The following CCDC177 variants were observed in gnomAD, a reference collection of about 807,000 sequenced individuals.
The protein encoded by CCDC177 is coiled-coil domain containing 177, also known as coiled-coil domain-containing protein 177.
CCDC177 carries 2 observed loss-of-function variants against 7.3 expected under a neutral mutation model. The ratio of observed to expected loss-of-function variants is 0.28; its 90% confidence interval spans 0.11 to 0.87. The LOEUF (loss-of-function observed/expected upper bound fraction) is 0.87, where lower values mean the gene tolerates loss of function less well. Ranked by LOEUF, CCDC177 falls within the 40% of genes least tolerant of loss-of-function variation. The pLI is 0.61. For missense variants in CCDC177, 874 were observed against 970.5 expected (o/e 0.90, Z 1.32); for synonymous variants, 401 against 449.2 (o/e 0.89, Z 1.36).
In CCDC177 at chr14:69,573,315, C is replaced by CA; in HGVS notation, c.307dup (p.Cys103LeufsTer33). On this transcript the variant is annotated frameshift_variant, in exon 2 of 2. Transcript: ENST00000599174. LOFTEE classifies it low-confidence loss of function (END_TRUNC). Reference sequence around the variant, plus strand: ...CAGCAGCTCCACCGGCTTGACCGCACAGCGGGCGCAGGCCTCTAGCGAGCG... The same window carrying CA: ...CAGCAGCTCCACCGGCTTGACCGCACAAGCGGGCGCAGGCCTCTAGCGAGCG... The CA allele has an allele frequency of 8.1e-7, 1 of 1,231,382 alleles. No individual in the cohort carries two copies. Among genetic ancestry groups the CA allele is most frequent in the Non-Finnish European group, 1.0e-6 (1 of 987,712 alleles). The allele number at this position is 1,231,382 out of a possible 1,614,324, so 76.3% of individuals were successfully genotyped here. A position where few individuals can be genotyped will look rare whatever the true frequency, so the allele number is the denominator to read the frequency against.
Position 69,573,115 on chromosome 14 carries a change from C to A in CCDC177, c.508G>T (p.Ala170Ser). 8.2e-7 allele frequency: 1 copy of A among 1,226,040 alleles called. No individual in the cohort carries two copies. Among genetic ancestry groups the A allele is most frequent in the Non-Finnish European group, 1.0e-6 (1 of 984,818 alleles). 75.9% of individuals were successfully genotyped at this position (1,226,040 alleles called of 1,614,324 possible). ...GCGGCGGCGGCGGCGGCGGCGGCCG[C>A]GGGGCTCAAAGGCGTGAAAAGACGC... The part of the protein sequence containing the change: ...KRRLFTPLSP[A>S]AAAAAAAAAA... The change falls in exon 2 of 2, where the codon GCG becomes TCG. Residue 170 changes from alanine to serine, a missense_variant. By Grantham distance (99) the Ala-to-Ser change is moderately conservative. Coordinates refer to ENST00000599174, the MANE Select transcript of CCDC177 (RefSeq NM_001271507.2).
Position 69,572,659 on chromosome 14 carries a change from C to A in CCDC177, c.964G>T (p.Val322Leu), listed in dbSNP as rs973802036. The A allele has an allele frequency of 3.2e-6, 4 of 1,231,348 alleles. No individual in the cohort carries two copies. Among genetic ancestry groups the A allele is most frequent in the Non-Finnish European group, 4.0e-6 (4 of 987,672 alleles). 76.3% of individuals were successfully genotyped at this position (1,231,348 alleles called of 1,614,324 possible). A position where few individuals can be genotyped will look rare whatever the true frequency, so the allele number is the denominator to read the frequency against. The change falls in exon 2 of 2, where the codon GTG (valine) becomes TTG (leucine). Residue 322 changes from valine to leucine, a missense_variant. Physicochemically the swap from Val to Leu is conservative, Grantham distance 32. Coordinates refer to ENST00000599174, the MANE Select transcript of CCDC177 (RefSeq NM_001271507.2). ...CCGCGCTCTGCACGCACTTGACGCACGATGCGCTCCACGTGCTGAGCGGTC... is the reference window on the plus strand; with the variant it reads ...CCGCGCTCTGCACGCACTTGACGCAAGATGCGCTCCACGTGCTGAGCGGTC... ...PQTAQHVERI[V>L]RQVRAERGLR...
rs1229824863 is a variant in CCDC177, at chr14:69,572,035, G to A, written c.1588C>T (p.Leu530=). The A allele has an allele frequency of 2.4e-6, 3 of 1,231,074 alleles. No homozygotes were observed. The highest frequency in any genetic ancestry group is 3.0e-6 in the Non-Finnish European group (3 of 987,676). The allele number at this position is 1,231,074 out of a possible 1,614,324, so 76.3% of individuals were successfully genotyped here. The part of the protein sequence containing the change: ...TRQQRQEREG[L]RSSLEASLGR... ...AAACTGGCTTCCAGCGAGCTCCGCA[G>A]GCCCTCTCGCTCCTGGCGCTGCTGC... Residue 530 remains leucine, a synonymous_variant, in exon 2 of 2, where the codon CTG becomes TTG. Coordinates refer to ENST00000599174, the MANE Select transcript of CCDC177 (RefSeq NM_001271507.2).
At position 69,571,234 on chromosome 14, in the gene CCDC177, C is replaced by A. The variant is rs974879299; in HGVS notation, c.*265G>T. 2 of 580,804 alleles carry A rather than the reference C, an allele frequency of 3.4e-6. No individual in the cohort carries two copies. The highest frequency in any genetic ancestry group is 6.1e-6 in the Non-Finnish European group (2 of 326,042). 36.0% of individuals were successfully genotyped at this position (580,804 alleles called of 1,614,324 possible). ...CTTCTCTATTCCAGCCCAAGAGACA[C>A]ATAGGGAAGTTTGGCAAGGGTCGGT... On this transcript the variant is annotated 3_prime_UTR_variant, in exon 2 of 2. Transcript: ENST00000599174.
rs1230643284 is a variant in CCDC177 at position 69,574,035 on chromosome 14, G to A, written c.-28-385C>T. On this transcript the variant is annotated intron_variant, in intron 1 of 1. Transcript: ENST00000599174. ...GATTCCCGGGAGGATTAGCGTATTTGTTTGTAGCTTAGGCGGGCTACTGGG... is the reference window on the plus strand; with the variant it reads ...GATTCCCGGGAGGATTAGCGTATTTATTTGTAGCTTAGGCGGGCTACTGGG... Among the ~76,000 whole-genome samples, 3 of 152,248 alleles carry A rather than the reference G, an allele frequency of 2.0e-5. No homozygotes were observed. The East Asian group carries it at 5.8e-4, about 29-fold the overall frequency.
chr14:69,573,032 C>G lies in CCDC177; in HGVS notation c.591G>C (p.Pro197=), dbSNP rs915585535. 23 of 1,225,124 alleles carry G rather than the reference C, an allele frequency of 1.9e-5. No homozygotes were observed. The highest frequency in any genetic ancestry group is 2.3e-5 in the Non-Finnish European group (23 of 984,900). 75.9% of individuals were successfully genotyped at this position (1,225,124 alleles called of 1,614,324 possible). Residue 197 remains proline, a synonymous_variant, in exon 2 of 2, where the codon CCG becomes CCC. Coordinates refer to ENST00000599174, the MANE Select transcript of CCDC177 (RefSeq NM_001271507.2). ...SSSSCSSASL[P]ASPAPRAARK... ...GGGCCGCACGCGGCGCGGGCGAGGC[C>G]GGGAGGCTGGCGCTGCTGCAGCTGC... is the stretch of plus-strand genomic sequence containing the variant.
chr14:69,571,979 C>G lies in CCDC177; in HGVS notation c.1644G>C (p.Leu548Phe), dbSNP rs751161826. Residue 548 changes from leucine (L) to phenylalanine (F), a missense_variant, in exon 2 of 2, where the codon TTG (leucine) becomes TTC (phenylalanine). Leu to Phe is a conservative substitution (Grantham distance 22). Transcript: ENST00000599174. ...GCAGCTCCCGGGTGCGCTGCTCCAC[C>G]AAATGCTCGTAGTTCTCCTGCGCAC... Reference protein sequence around the residue: ...LGRAQENYEHLVEQRTRELRE... With the variant: ...LGRAQENYEHFVEQRTRELRE... 181 of 1,231,708 alleles carry G rather than the reference C, an allele frequency of 1.5e-4. No homozygotes were observed. The highest frequency in any genetic ancestry group is 1.8e-4 in the Non-Finnish European group (177 of 988,220). The allele number at this position is 1,231,708 out of a possible 1,614,324, so 76.3% of individuals were successfully genotyped here. A position where few individuals can be genotyped will look rare whatever the true frequency, so the allele number is the denominator to read the frequency against.
rs1403083706 is a variant in CCDC177 at position 69,572,757 on chromosome 14, C to A, written c.866G>T (p.Arg289Leu). 2 of 1,231,418 alleles carry A rather than the reference C, an allele frequency of 1.6e-6. No individual in the cohort carries two copies. The highest frequency in any genetic ancestry group is 1.6e-5 in the African/African-American group (1 of 64,412). 76.3% of individuals were successfully genotyped at this position (1,231,418 alleles called of 1,614,324 possible). Residue 289 changes from arginine to leucine, a missense_variant, in exon 2 of 2, where the codon CGC becomes CTC. Coordinates refer to ENST00000599174, the MANE Select transcript of CCDC177 (RefSeq NM_001271507.2). The part of the protein sequence containing the change: ...SASSTTNAPG[R>L]PSALTLVPIT... ...CGGAACCAGGGTCAGGGCAGACGGGCGGCCCGGAGCGTTGGTGGTGGAGGA... is the reference window on the plus strand; with the variant it reads ...CGGAACCAGGGTCAGGGCAGACGGGAGGCCCGGAGCGTTGGTGGTGGAGGA...
In CCDC177 at chr14:69,572,964, G is replaced by A. The variant is rs912013377; in HGVS notation, c.659C>T (p.Pro220Leu). 28 of 1,231,090 alleles carry A rather than the reference G, an allele frequency of 2.3e-5. 1 individual carries two copies. The highest frequency in any genetic ancestry group is 2.7e-5 in the Non-Finnish European group (27 of 987,636). 76.3% of individuals were successfully genotyped at this position (1,231,090 alleles called of 1,614,324 possible). A position where few individuals can be genotyped will look rare whatever the true frequency, so the allele number is the denominator to read the frequency against. Reference sequence around the variant, plus strand: ...CCTGCCTGTTCGAGAACCCGCTGGCGGAGGTTGGGTCCGGGCGGAGGAGGG... The same window carrying A: ...CCTGCCTGTTCGAGAACCCGCTGGCAGAGGTTGGGTCCGGGCGGAGGAGGG... Reference protein sequence around the residue: ...PSPSSARTQPPPAGSRTGRKS... With the variant: ...PSPSSARTQPLPAGSRTGRKS... The change falls in exon 2 of 2, where the codon CCG (proline) becomes CTG (leucine). Residue 220 changes from proline (P) to leucine (L), a missense_variant. Pro to Leu is a moderately conservative substitution (Grantham distance 98). Coordinates refer to ENST00000599174, the MANE Select transcript of CCDC177 (RefSeq NM_001271507.2).
Position 69,571,459 on chromosome 14 carries a change from G to C in CCDC177, c.*40C>G. 2 of 1,235,830 alleles carry C rather than the reference G, an allele frequency of 1.6e-6. No homozygotes were observed. Among genetic ancestry groups the C allele is most frequent in the Non-Finnish European group, 2.0e-6 (2 of 982,290 alleles). The allele number at this position is 1,235,830 out of a possible 1,614,324, so 76.6% of individuals were successfully genotyped here. On this transcript the variant is annotated 3_prime_UTR_variant, in exon 2 of 2. Transcript: ENST00000599174. Reference sequence around the variant, plus strand: ...TGGTCAGTGGTTGAGGGAGGCCCCAGGGGGCTGTGCGTGCCAATCTGGCTG... The same window carrying C: ...TGGTCAGTGGTTGAGGGAGGCCCCACGGGGCTGTGCGTGCCAATCTGGCTG...
chr14:69,573,457 C>T lies in CCDC177; in HGVS notation c.166G>A (p.Val56Ile), dbSNP rs1884376954. Residue 56 changes from valine (V) to isoleucine (I), a missense_variant, in exon 2 of 2, where the codon GTC becomes ATC. Val to Ile is a conservative substitution (Grantham distance 29). Coordinates refer to ENST00000599174, the MANE Select transcript of CCDC177 (RefSeq NM_001271507.2). The stretch of plus-strand genomic sequence containing the variant: ...CCGCCTTCTGCGGCTGCACATGGGA[C>T]TTCTGCCTTGCGGGGCACCGCCGCG... ...ASAAVPRKAE[V>I]PCAAAEGGRR... is the part of the protein sequence containing the mutation. 3 of 1,231,202 alleles carry T rather than the reference C, an allele frequency of 2.4e-6. No homozygotes were observed. The highest frequency in any genetic ancestry group is 8.4e-5 in the Admixed American group (2 of 23,692). 76.3% of individuals were successfully genotyped at this position (1,231,202 alleles called of 1,614,324 possible).
In CCDC177 at chr14:69,572,950, G is replaced by C. The variant is rs1421916241; in HGVS notation, c.673C>G (p.Arg225Gly). ...ARTQPPPAGS[R>G]TGRKSHSLDS... is the part of the protein sequence containing the mutation. ...AGCGAATGGCTCTTCCTGCCTGTTC[G>C]AGAACCCGCTGGCGGAGGTTGGGTC... Residue 225 changes from arginine (R) to glycine (G), a missense_variant, in exon 2 of 2, where the codon CGA becomes GGA. Coordinates refer to ENST00000599174, the MANE Select transcript of CCDC177 (RefSeq NM_001271507.2). The C allele has an allele frequency of 8.1e-7, 1 of 1,231,278 alleles. No individual in the cohort carries two copies. The highest frequency in any genetic ancestry group is 1.0e-6 in the Non-Finnish European group (1 of 987,682). 76.3% of individuals were successfully genotyped at this position (1,231,278 alleles called of 1,614,324 possible). A position where few individuals can be genotyped will look rare whatever the true frequency, so the allele number is the denominator to read the frequency against.
At position 69,570,771 on chromosome 14, in the gene CCDC177, AAACC is replaced by A. The variant is rs1320240305; in HGVS notation, c.*724_*727del. Reference sequence around the variant, plus strand: ...TCTATTAAAGCTAAACAGCATCACCAAACCAACCAATTTCCTGTGCCACTTGGTA... The same window carrying A: ...TCTATTAAAGCTAAACAGCATCACCAAACCAATTTCCTGTGCCACTTGGTA... On this transcript the variant is annotated 3_prime_UTR_variant, in exon 2 of 2. Transcript: ENST00000599174. The A allele has an allele frequency of 2.2e-6, 1 of 457,280 alleles. No individual in the cohort carries two copies. Among genetic ancestry groups the A allele is most frequent in the African/African-American group, 2.0e-5 (1 of 50,042 alleles). 28.3% of individuals were successfully genotyped at this position (457,280 alleles called of 1,614,324 possible).
At chr14:69,573,921 C>T (rs74061861) in intron 1 of CCDC177, among the ~76,000 whole-genome samples, 14 of 152,308 alleles carry the variant, frequency 9.2e-5, no homozygotes, top group African/African-American at 2.9e-4. Flanking sequence ...CCTCTGGGCG[C>T]CTAGCCCGCT....
Position 69,572,697 on chromosome 14 carries a change from C to T in CCDC177, c.926G>A (p.Ser309Asn). The change falls in exon 2 of 2, where the codon AGC becomes AAC. Residue 309 changes from serine (S) to asparagine (N), a missense_variant. By Grantham distance (46) the Ser-to-Asn change is conservative. Transcript: ENST00000599174. The part of the protein sequence containing the change: ...TGRSFSLGDL[S>N]HSPQTAQHVE... ...GTGCTGAGCGGTCTGCGGCGAATGG[C>T]TCAGGTCGCCGAGGCTGAAGCTGCG... The T allele has an allele frequency of 8.1e-7, 1 of 1,231,468 alleles. No individual in the cohort carries two copies. The allele number at this position is 1,231,468 out of a possible 1,614,324, so 76.3% of individuals were successfully genotyped here. A position where few individuals can be genotyped will look rare whatever the true frequency, so the allele number is the denominator to read the frequency against.
chr14:69,572,975 C>T lies in CCDC177; in HGVS notation c.648G>A (p.Arg216=), dbSNP rs1293668704. ...RKASPSPSSA[R]TQPPPAGSRT... ...GAGAACCCGCTGGCGGAGGTTGGGT[C>T]CGGGCGGAGGAGGGACTAGGGGAAG... Residue 216 remains arginine, a synonymous_variant, in exon 2 of 2, where the codon CGG becomes CGA. Coordinates refer to ENST00000599174, the MANE Select transcript of CCDC177 (RefSeq NM_001271507.2). 5 of 1,231,078 alleles carry T rather than the reference C, an allele frequency of 4.1e-6. No homozygotes were observed. The highest frequency in any genetic ancestry group is 8.2e-5 in the South Asian group (2 of 24,314). The allele number at this position is 1,231,078 out of a possible 1,614,324, so 76.3% of individuals were successfully genotyped here.
In CCDC177 at chr14:69,574,830, C is replaced by G. The variant is rs888416321; in HGVS notation, c.-317G>C. On this transcript the variant is annotated 5_prime_UTR_variant, in exon 1 of 2. Coordinates refer to ENST00000599174, the MANE Select transcript of CCDC177 (RefSeq NM_001271507.2). ...ATTCTTTAAAAAAGAAGCCCGGTTC[C>G]GTCGCTGCGGCATCCCTCTACACCT... 3.3e-5 allele frequency: 5 copies of G among 152,136 alleles called. No homozygotes were observed. The East Asian group carries it at 9.7e-4, about 29-fold the overall frequency. The allele number at this position is 152,136 out of a possible 1,614,324, so 9.4% of individuals were successfully genotyped here.
Position 69,571,673 on chromosome 14 carries a change from C to T in CCDC177, c.1950G>A (p.Lys650=). The change falls in exon 2 of 2, where the codon AAG becomes AAA. Residue 650 remains lysine (K), a synonymous_variant. Transcript: ENST00000599174. ...RRELLQAIGR[K]LERSEQLTRE... is the part of the protein sequence containing the mutation. ...GCGTCAGCTGCTCGCTGCGCTCCAG[C>T]TTGCGCCCGATGGCCTGGAGTAGCT... The T allele has an allele frequency of 8.1e-7, 1 of 1,232,114 alleles. No individual in the cohort carries two copies. The highest frequency in any genetic ancestry group is 1.0e-6 in the Non-Finnish European group (1 of 988,262). 76.3% of individuals were successfully genotyped at this position (1,232,114 alleles called of 1,614,324 possible). A position where few individuals can be genotyped will look rare whatever the true frequency, so the allele number is the denominator to read the frequency against.
chr14:69,571,543 T>C lies in CCDC177; in HGVS notation c.2080A>G (p.Met694Val), dbSNP rs1884323969. The C allele has an allele frequency of 8.1e-7, 1 of 1,239,086 alleles. No individual in the cohort carries two copies. Among genetic ancestry groups the C allele is most frequent in the Non-Finnish European group, 1.0e-6 (1 of 991,786 alleles). 76.8% of individuals were successfully genotyped at this position (1,239,086 alleles called of 1,614,324 possible). The change falls in exon 2 of 2, where the codon ATG becomes GTG. Residue 694 changes from methionine to valine, a missense_variant. By Grantham distance (21) the Met-to-Val change is conservative. Coordinates refer to ENST00000599174, the MANE Select transcript of CCDC177 (RefSeq NM_001271507.2). ...EETNTRSFDR[M>V]VREAQLHASL... Reference sequence around the variant, plus strand: ...GCGTGTAGCTGGGCCTCCCGCACCATGCGGTCGAAGGATCGCGTGTTGGTC... The same window carrying C: ...GCGTGTAGCTGGGCCTCCCGCACCACGCGGTCGAAGGATCGCGTGTTGGTC...
Sources: gnomAD v4.1 joint callset for allele counts (sites outside exome capture counted in the v4.1 genomes callset) on GRCh38, gnomAD v4.1.1 for gene constraint, MANE v1.5 for transcripts, NCBI Gene and HGNC (gene_info 2026-07-23, HGNC 2026-07-21) for gene names.